PAWR: variants seen among roughly 807,000 people sequenced by gnomAD.
The protein encoded by PAWR is PRKC apoptosis WT1 regulator protein.
Under a neutral mutation model 32.0 loss-of-function variants are expected in PAWR, and 23 were observed. That is an observed-to-expected ratio of 0.72 (90% CI 0.52 to 1.02). The LOEUF is 1.02. PAWR is among the 50% of genes least tolerant of loss of function. The pLI, the probability that PAWR is intolerant of heterozygous loss-of-function variation, is 0.00. For synonymous variants in PAWR, 226 were observed against 187.1 expected, an observed-to-expected ratio of 1.21 and a Z score of -1.70; for missense variants, 457 against 437.7, an observed-to-expected ratio of 1.04 and a Z score of -0.39.
At chr12:79,653,636 C>T (rs1280055341) in intron 2 of PAWR, among the ~76,000 whole-genome samples, 3 of 152,124 alleles carry the variant, frequency 2.0e-5, no homozygotes, top group Non-Finnish European at 4.4e-5. Context: ...TGCGCCACCA[C>T]GCCAGGCTAA....
intron 2 of PAWR, among the ~76,000 whole-genome samples, chr12:79,681,126 A>C (rs1315771296): frequency 6.1e-5 from 1 of 16,354 alleles, no homozygotes; most frequent in African/African-American, 2.3e-4. Context: ...AAGGAGAAGA[A>C]GGGAGGGGAG....
At chr12:79,596,703 A>G in intron 4 of PAWR, 45 bp from the exon 5 acceptor site, 1 of 1,293,884 alleles carries the variant, frequency 7.7e-7, no homozygotes. Flanking sequence ...GTATTCAGCA[A>G]GAAAAATGCC....
rs565157190 is a variant in PAWR, at chr12:79,626,163, TAAAAAA to T, written c.517-4962_517-4957del. Among the ~76,000 whole-genome samples, 589 of 82,122 alleles carry T rather than the reference TAAAAAA, an allele frequency of 7.2e-3. 14 individuals carry two copies. Among genetic ancestry groups the T allele is most frequent in the African/African-American group, 0.02 (552 of 28,122 alleles). The allele number at this position is 82,122 out of a possible 152,430, so 53.9% of individuals were successfully genotyped here. A position where few individuals can be genotyped will look rare whatever the true frequency, so the allele number is the denominator to read the frequency against. ...TGGGCTACAGAGTGAGACTCCATCTTAAAAAAAAAAAAAAAAAAAAAAGAATACATA... is the reference window on the plus strand; with the variant it reads ...TGGGCTACAGAGTGAGACTCCATCTTAAAAAAAAAAAAAAAAGAATACATA... On this transcript the variant is annotated intron_variant, in intron 2 of 6. Transcript: ENST00000328827.
intron 4 of PAWR, among the ~76,000 whole-genome samples, chr12:79,600,241 G>C (rs984398674): frequency 3.9e-5 from 6 of 152,068 alleles, no homozygotes; most frequent in African/African-American, 1.4e-4. Flanking sequence ...TCAAAAAAGT[G>C]TATCTTTGCT....
At position 79,629,811 on chromosome 12, in the gene PAWR, T is replaced by G. The variant is rs191855852; in HGVS notation, c.517-8604A>C. Among the ~76,000 whole-genome samples, 283 of 152,250 alleles carry G rather than the reference T, an allele frequency of 1.9e-3. 2 individuals are homozygous for G. The highest frequency in any genetic ancestry group is 3.4e-3 in the Non-Finnish European group (234 of 67,998). On this transcript the variant is annotated intron_variant, in intron 2 of 6. Transcript: ENST00000328827. ...GAATGTTCTTTGACCACTACTCAAT[T>G]AAACTTAAAATCAGTAACAGAAAGC...
Position 79,603,343 on chromosome 12 carries a change from C to A in PAWR, c.684-6685G>T, listed in dbSNP as rs552151501. Among the ~76,000 whole-genome samples, 71 of 151,884 alleles carry A rather than the reference C, an allele frequency of 4.7e-4. 1 individual carries two copies. The highest frequency in any genetic ancestry group is 9.3e-4 in the Non-Finnish European group (63 of 67,964). ...TACAAATAAGACTGGGAAATACCAG[C>A]AAAGTGGTAAAAAGAAAATCAACAG... On this transcript the variant is annotated intron_variant, in intron 4 of 6. Coordinates refer to ENST00000328827, the MANE Select transcript of PAWR (RefSeq NM_002583.4).
intron 2 of PAWR, among the ~76,000 whole-genome samples, chr12:79,623,491 A>C (rs1875128343): frequency 7.2e-6 from 1 of 139,648 alleles, no homozygotes; most frequent in Non-Finnish European, 1.5e-5. Context: ...AAAAACAAAA[A>C]CATTTTAGAA....
chr12:79,610,445 T>C (rs529007425), intron 4 of PAWR, among the ~76,000 whole-genome samples: 32 of 152,282 alleles, frequency 2.1e-4, no homozygotes, highest in African/African-American at 6.7e-4. Context: ...AGAAAAAGAA[T>C]CATAGTCATG....
At chr12:79,622,862 C>T (rs562827296) in intron 2 of PAWR, among the ~76,000 whole-genome samples, 3 of 152,194 alleles carry the variant, frequency 2.0e-5, no homozygotes, top group South Asian at 2.1e-4. Flanking sequence ...CACAAGCTAA[C>T]GTGTTAGCCA....
At chr12:79,677,271 A>G (rs558890257) in intron 2 of PAWR, among the ~76,000 whole-genome samples, 44 of 152,350 alleles carry the variant, frequency 2.9e-4, no homozygotes, top group African/African-American at 9.4e-4. Context: ...TGTTGTAACA[A>G]TATCTGTAGA....
chr12:79,625,182 T>C (rs1328545279), intron 2 of PAWR, among the ~76,000 whole-genome samples: 1 of 152,198 alleles, frequency 6.6e-6, no homozygotes, highest in East Asian at 1.9e-4. Flanking sequence ...GGTCTACCTC[T>C]AGTTTTCCAT....
intron 4 of PAWR, chr12:79,604,778 A>C: frequency 1.2e-6 from 1 of 861,626 alleles, no homozygotes; most frequent in Non-Finnish European, 1.6e-6. Flanking sequence ...ATCAAAATCA[A>C]CTCCCATTAT....
Position 79,590,825 on chromosome 12 carries a change from TA to T in PAWR, c.*1781del, listed in dbSNP as rs2136668338. ...AAGAGTCTCCAAGAAGGGAAGCCCT[TA>T]TGCAGTAATTCTGTAACTATATTAA... On this transcript the variant is annotated 3_prime_UTR_variant, in exon 7 of 7. Transcript: ENST00000328827. 1 of 152,346 alleles carries T rather than the reference TA, an allele frequency of 6.6e-6. No individual in the cohort carries two copies. The highest frequency in any genetic ancestry group is 1.5e-5 in the Non-Finnish European group (1 of 68,032). The allele number at this position is 152,346 out of a possible 1,614,324, so 9.4% of individuals were successfully genotyped here. A position where few individuals can be genotyped will look rare whatever the true frequency, so the allele number is the denominator to read the frequency against.
At chr12:79,670,855 GT>G (rs1228398278) in intron 2 of PAWR, among the ~76,000 whole-genome samples, 1 of 149,374 alleles carries the variant, frequency 6.7e-6, no homozygotes, top group Non-Finnish European at 1.5e-5. Flanking sequence ...ATCAGAATAT[GT>G]TTGCCACTTT....
At chr12:79,649,381 T>C (rs929898637) in intron 2 of PAWR, among the ~76,000 whole-genome samples, 3 of 152,100 alleles carry the variant, frequency 2.0e-5, no homozygotes, top group African/African-American at 7.2e-5. Flanking sequence ...CATAGGTCAC[T>C]AGATACAAAA....
At chr12:79,598,424 TAAAAACTTTTGTCAAAAATGTAG>T (rs540556032) in intron 4 of PAWR, among the ~76,000 whole-genome samples, 51 of 152,370 alleles carry the variant, frequency 3.3e-4, no homozygotes, top group African/African-American at 1.2e-3. Context: ...CATTCATTTT[TAAAAACTTTTGTCAAAAATGTAG>T]AAAATTTGCT....
intron 2 of PAWR, among the ~76,000 whole-genome samples, chr12:79,624,849 G>GT (rs8176850): frequency 3.9e-5 from 6 of 152,182 alleles, no homozygotes; most frequent in African/African-American, 1.4e-4. Context: ...GAACATTTGG[G>GT]TTTTTTACAC....
chr12:79,596,614 C>A lies in PAWR; in HGVS notation c.728G>T (p.Arg243Leu). 1 of 1,600,262 alleles carries A rather than the reference C, an allele frequency of 6.2e-7. No individual in the cohort carries two copies. Among genetic ancestry groups the A allele is most frequent in the East Asian group, 2.2e-5 (1 of 44,592 alleles). Residue 243 changes from arginine (R) to leucine (L), a missense_variant, in exon 5 of 7, where the codon CGA becomes CTA. By Grantham distance (102) the Arg-to-Leu change is moderately radical. Transcript: ENST00000328827. ...TCTAGGGAACCCACTTCTATCTGTT[C>A]GAGAATATCTACTTGAGACATCTTC... ...SEEDVSSRYS[R>L]TDRSGFPRYN...
intron 2 of PAWR, among the ~76,000 whole-genome samples, chr12:79,675,478 T>A (rs1278205939): frequency 1.3e-5 from 2 of 152,124 alleles, no homozygotes; most frequent in African/African-American, 4.8e-5. Flanking sequence ...AGATAAGTAA[T>A]CAACCCAGAT....
Sources: allele counts gnomAD v4.1 joint callset (sites outside exome capture counted in the v4.1 genomes callset), GRCh38; gene constraint gnomAD v4.1.1; transcripts MANE v1.5; gene names NCBI Gene and HGNC (gene_info 2026-07-23, HGNC 2026-07-21).